Variants in ACBD6 observed in about 807,000 individuals in gnomAD.
The protein encoded by ACBD6 is acyl-CoA-binding domain-containing protein 6.
A neutral mutation model predicts 37.2 loss-of-function variants in ACBD6; 28 were observed. The ratio of observed to expected loss-of-function variants is 0.75; its 90% CI spans 0.56 to 1.03. ACBD6 has a LOEUF of 1.03. Ranked by LOEUF, ACBD6 falls within the 50% of genes least tolerant of loss-of-function variation. The pLI, the probability that ACBD6 is intolerant of heterozygous loss-of-function variation, is 0.00. For missense variants in ACBD6, 340 were observed against 337.4 expected, an observed-to-expected ratio of 1.01 and a Z score of -0.06; for synonymous variants, 113 against 126.8, an observed-to-expected ratio of 0.89 and a Z score of 0.73.
intron 11 of ACBD6, chr1:180,273,845 G>A (rs150921993): frequency 0.02 from 6,549 of 330,282 alleles, 82 homozygotes; most frequent in Non-Finnish European, 0.025. Context: ...TTTGTGATGT[G>A]GAGACATCTG....
intron 5 of ACBD6, among the ~76,000 whole-genome samples, chr1:180,406,102 T>G (rs532498619): frequency 1.7e-4 from 26 of 152,280 alleles, no homozygotes; most frequent in Non-Finnish European, 2.8e-4. Flanking sequence ...TTTTCTATTA[T>G]GCAAAATACA....
intron 3 of ACBD6, among the ~76,000 whole-genome samples, chr1:180,481,403 CTG>C (rs1300428104): frequency 2.6e-5 from 4 of 152,090 alleles, no homozygotes; most frequent in Non-Finnish European, 5.9e-5. Flanking sequence ...TCAACACAGG[CTG>C]AAACTTGGGG....
chr1:180,409,755 A>C (rs1465779101), intron 5 of ACBD6, among the ~76,000 whole-genome samples: 1 of 152,178 alleles, frequency 6.6e-6, no homozygotes, highest in Non-Finnish European at 1.5e-5. Context: ...CAGACACAAA[A>C]ATATTGAAAT....
chr1:180,271,596 A>C (rs1648664528), exon 14 of ACBD6: 1 of 1,591,354 alleles, frequency 6.3e-7, no homozygotes, highest in Non-Finnish European at 8.6e-7. Context: ...GGTGGAAGGT[A>C]TCCTGAGTGA....
rs371414883 is a variant in ACBD6, at chr1:180,387,947, G to A, written c.663+9569C>T. ...TCCCACCACTTTGGGAGGCCGAGGC[G>A]GGCAGATCACAAGGTCAGGAGATTG... is the stretch of plus-strand genomic sequence containing the variant. On this transcript the variant is annotated intron_variant, in intron 6 of 7. Coordinates refer to ENST00000367595, the MANE Select transcript of ACBD6 (RefSeq NM_032360.4). Among the ~76,000 whole-genome samples the A allele has an allele frequency of 1.2e-3, 183 of 151,972 alleles. No homozygotes were observed. In the East Asian group the frequency reaches 0.013, roughly 11 times the overall value.
At chr1:180,413,238 G>C (rs1647933375) in intron 5 of ACBD6, 128 bp downstream of exon 5, 1 of 730,454 alleles carries the variant, frequency 1.4e-6, no homozygotes, top group Non-Finnish European at 2.5e-6. Flanking sequence ...ATCTCATTTA[G>C]ATATTCTGAT....
intron 3 of ACBD6, among the ~76,000 whole-genome samples, chr1:180,457,656 G>A (rs534104484): frequency 2.0e-5 from 3 of 152,156 alleles, no homozygotes; most frequent in Non-Finnish European, 2.9e-5. Flanking sequence ...ATCAGAATGA[G>A]TGGGTTATTT....
In ACBD6 at chr1:180,354,854, T is replaced by C. The variant is rs534253489; in HGVS notation, c.664-40132A>G. ...AAATAAGAAGGTCTTATTTCTGATA[T>C]AGTTTTTAAAAAATAAGAATAAAAC... On this transcript the variant is annotated intron_variant, in intron 6 of 7. Coordinates refer to ENST00000367595, the MANE Select transcript of ACBD6 (RefSeq NM_032360.4). Among the ~76,000 whole-genome samples, 6 of 152,318 alleles carry C rather than the reference T, an allele frequency of 3.9e-5. No individual in the cohort carries two copies. The South Asian group carries it at 6.2e-4, about 16-fold the overall frequency.
At chr1:180,272,929 G>C (rs1648772005) in intron 12 of ACBD6, 1 of 152,250 alleles carries the variant, frequency 6.6e-6, no homozygotes. Flanking sequence ...CAGGGAGCGT[G>C]TGGCTCCCGC....
intron 6 of ACBD6, among the ~76,000 whole-genome samples, chr1:180,385,055 A>T (rs2101933013): frequency 6.6e-6 from 1 of 152,272 alleles, no homozygotes; most frequent in East Asian, 1.9e-4. Flanking sequence ...GTATAAACAT[A>T]CAGTTAGATA....
chr1:180,449,458 G>GGA (rs1441427270), intron 3 of ACBD6, among the ~76,000 whole-genome samples: 1 of 147,970 alleles, frequency 6.8e-6, no homozygotes, highest in African/African-American at 2.5e-5. Flanking sequence ...CACCCAGGCT[G>GGA]GAGTTCAGTG....
At chr1:180,272,091 C>CTTTTTTTTTTTTTTTTTTTTTTTTTTTT in intron 13 of ACBD6, 1 of 1,289,456 alleles carries the variant, frequency 7.8e-7, no homozygotes, top group South Asian at 1.5e-5. Flanking sequence ...AGGGATCTTT[C>CTTTTTTTTTTTTTTTTTTTTTTTTTTTT]TTGAGGCCTT....
chr1:180,339,857 G>A (rs1397602220), intron 6 of ACBD6, among the ~76,000 whole-genome samples: 1 of 151,762 alleles, frequency 6.6e-6, no homozygotes, highest in Non-Finnish European at 1.5e-5. Flanking sequence ...AATAAAGCAG[G>A]AAAGAAAGAT....
intron 6 of ACBD6, among the ~76,000 whole-genome samples, chr1:180,320,547 G>A (rs561277170): frequency 6.6e-6 from 1 of 152,262 alleles, no homozygotes; most frequent in African/African-American, 2.4e-5. Context: ...GCTGAGGTTG[G>A]AGAAATGCTT....
At chr1:180,500,462 G>GT (rs1651916690) in intron 1 of ACBD6, among the ~76,000 whole-genome samples, 1 of 151,536 alleles carries the variant, frequency 6.6e-6, no homozygotes, top group Non-Finnish European at 1.5e-5. Flanking sequence ...GGAGGCCAAG[G>GT]CAGGCAGATC....
At chr1:180,321,788 T>C (rs1383405763) in intron 6 of ACBD6, among the ~76,000 whole-genome samples, 1 of 152,180 alleles carries the variant, frequency 6.6e-6, no homozygotes, top group Non-Finnish European at 1.5e-5. Flanking sequence ...TTCCAAAATA[T>C]AAGATCCTAT....
At chr1:180,343,705 G>C (rs1558258513) in intron 6 of ACBD6, among the ~76,000 whole-genome samples, 1 of 152,084 alleles carries the variant, frequency 6.6e-6, no homozygotes, top group Non-Finnish European at 1.5e-5. Context: ...TATAGACTAC[G>C]ATTTCTTTTA....
chr1:180,314,760 G>A (rs778398312), intron 6 of ACBD6, 38 bp from the exon 7 acceptor site: 2 of 1,449,078 alleles, frequency 1.4e-6, no homozygotes, highest in Non-Finnish European at 1.9e-6. Flanking sequence ...AGAAGTCTAA[G>A]TAATTGCAAA....
intron 6 of ACBD6, among the ~76,000 whole-genome samples, chr1:180,342,220 GCCAA>G (rs2149306759): frequency 6.6e-6 from 1 of 152,230 alleles, no homozygotes; most frequent in East Asian, 1.9e-4. Flanking sequence ...AAGACAGGAG[GCCAA>G]CCAGACTGTC....
Sources: allele counts gnomAD v4.1 joint callset (sites outside exome capture counted in the v4.1 genomes callset), GRCh38; gene constraint gnomAD v4.1.1; transcripts MANE v1.5; gene names NCBI Gene and HGNC (gene_info 2026-07-23, HGNC 2026-07-21).